The following CNTN3 variants were observed in gnomAD, a reference collection of about 807,000 sequenced individuals.
The protein encoded by CNTN3 is contactin 3.
A neutral mutation model predicts 119.1 loss-of-function variants in CNTN3; 60 were observed. That is an observed-to-expected ratio of 0.50 (90% confidence interval 0.41 to 0.62). CNTN3 has a LOEUF of 0.62. Among genes scored for constraint, CNTN3 ranks in the 20% least tolerant of loss-of-function variants. The pLI is 0.00. For synonymous variants in CNTN3, 450 were observed against 438.7 expected, an observed-to-expected ratio of 1.03 and a Z score of -0.32; for missense variants, 1,101 against 1,242.4, an observed-to-expected ratio of 0.89 and a Z score of 1.71.
Position 74,369,294 on chromosome 3 carries a change from C to A in CNTN3, c.841G>T (p.Val281Leu). The A allele has an allele frequency of 6.2e-7, 1 of 1,611,016 alleles. No individual in the cohort carries two copies. The part of the protein sequence containing the change: ...SKIKLRKFSG[V>L]LEIPNFQQED... ...TGTTGGAAGTTGGGGATTTCAAGCA[C>A]ACCACTGAACTTCCTTAATTTAATT... is the stretch of plus-strand genomic sequence containing the variant. Residue 281 changes from valine (V) to leucine (L), a missense_variant, in exon 8 of 23, where the codon GTG (valine) becomes TTG (leucine). Physicochemically the swap from Val to Leu is conservative, Grantham distance 32 (BLOSUM62 1). Coordinates refer to ENST00000263665, the MANE Select transcript of CNTN3 (RefSeq NM_020872.3).
intron 5 of CNTN3, among the ~76,000 whole-genome samples, chr3:74,393,579 T>C (rs756775399): frequency 7.2e-5 from 11 of 152,196 alleles, no homozygotes; most frequent in Non-Finnish European, 1.3e-4. Context: ...CTTGAAAAGA[T>C]AAGGGAGTTC....
intron 5 of CNTN3, among the ~76,000 whole-genome samples, chr3:74,380,814 A>T (rs1042706470): frequency 6.6e-6 from 1 of 152,228 alleles, no homozygotes; most frequent in African/African-American, 2.4e-5. Flanking sequence ...AACACTGTCC[A>T]TTCCACATTA....
chr3:74,320,001 T>C (rs1702945160), intron 13 of CNTN3, among the ~76,000 whole-genome samples: 1 of 152,100 alleles, frequency 6.6e-6, no homozygotes, highest in Admixed American at 6.6e-5. Context: ...TGGCGATCAT[T>C]AAAAAGTCAG....
chr3:74,599,102 C>A (rs1177722144), intron 1 of CNTN3, among the ~76,000 whole-genome samples: 1 of 151,992 alleles, frequency 6.6e-6, no homozygotes, highest in Admixed American at 6.6e-5. Context: ...TGCTAAAAAT[C>A]TGAACTACAT....
chr3:74,311,247 C>T (rs1702678454), intron 13 of CNTN3, among the ~76,000 whole-genome samples: 2 of 152,066 alleles, frequency 1.3e-5, no homozygotes, highest in Non-Finnish European at 2.9e-5. Context: ...CCTATGTAGT[C>T]TGGCAATTCT....
At chr3:74,274,429 G>A (rs1701841268) in intron 20 of CNTN3, among the ~76,000 whole-genome samples, 1 of 152,126 alleles carries the variant, frequency 6.6e-6, no homozygotes, top group Admixed American at 6.5e-5. Flanking sequence ...CACTGGAACA[G>A]GTGCTGGTAT....
intron 1 of CNTN3, among the ~76,000 whole-genome samples, chr3:74,592,035 A>G (rs1704711408): frequency 6.6e-6 from 1 of 151,984 alleles, no homozygotes; most frequent in African/African-American, 2.4e-5. Flanking sequence ...AACCAGCCAG[A>G]GCAGCAGCTG....
At chr3:74,424,761 T>C in intron 5 of CNTN3, 84 bp downstream of exon 5, 1 of 1,105,120 alleles carries the variant, frequency 9.0e-7, no homozygotes, top group South Asian at 1.3e-5. Context: ...CAGAGTAATT[T>C]ACAGATGCAA....
At chr3:74,603,728 A>G (rs1422551343) in intron 1 of CNTN3, among the ~76,000 whole-genome samples, 1 of 152,146 alleles carries the variant, frequency 6.6e-6, no homozygotes, top group African/African-American at 2.4e-5. Context: ...ATATTATTAA[A>G]ATGTCCATAT....
At chr3:74,408,347 C>T (rs962981057) in intron 5 of CNTN3, among the ~76,000 whole-genome samples, 2 of 152,068 alleles carry the variant, frequency 1.3e-5, no homozygotes, top group African/African-American at 4.8e-5. Flanking sequence ...AAAAGATTTG[C>T]ATTGAGTAAG....
intron 2 of CNTN3, among the ~76,000 whole-genome samples, chr3:74,512,692 C>CAAAAAAAAAAATAAAAAAA (rs1703388273): frequency 1.2e-5 from 1 of 85,260 alleles, no homozygotes; most frequent in African/African-American, 4.7e-5. Context: ...CATAATCAAG[C>CAAAAAAAAAAATAAAAAAA]AAAAAAAAAA....
In CNTN3 at chr3:74,511,918, C is replaced by A. The variant is rs148093136; in HGVS notation, c.55+9140G>T. 1.2e-3 allele frequency among the ~76,000 whole-genome samples: 189 copies of A among 152,168 alleles called. No homozygotes were observed. The Middle Eastern group carries it at 0.045, about 36-fold the overall frequency. ...TGCTGACCCCAGCTTTAGGAAAGAT[C>A]ATGTCTACTAGGAGGAACAGTGACT... On this transcript the variant is annotated intron_variant, in intron 2 of 22. Transcript: ENST00000263665.
intron 3 of CNTN3, 64 bp downstream of exon 3, chr3:74,499,595 T>A: frequency 2.0e-6 from 3 of 1,483,634 alleles, no homozygotes; most frequent in Non-Finnish European, 2.7e-6. Context: ...CAAAAAAAAA[T>A]TCACAATCAC....
intron 1 of CNTN3, among the ~76,000 whole-genome samples, chr3:74,547,904 A>T (rs1168329591): frequency 3.3e-5 from 5 of 152,176 alleles, no homozygotes; most frequent in Admixed American, 2.0e-4. Context: ...CCTCCTAAAC[A>T]TCCTTCTAAG....
chr3:74,599,778 A>G (rs185983838), intron 1 of CNTN3, among the ~76,000 whole-genome samples: 134 of 152,214 alleles, frequency 8.8e-4, no homozygotes, highest in African/African-American at 2.8e-3. Flanking sequence ...TCCAACATCA[A>G]TGGGGCAGAG....
At chr3:74,394,803 A>C (rs1705003906) in intron 5 of CNTN3, among the ~76,000 whole-genome samples, 1 of 104,110 alleles carries the variant, frequency 9.6e-6, no homozygotes, top group Non-Finnish European at 2.0e-5. Flanking sequence ...ATTATTAATG[A>C]CTTTTAATCT....
intron 2 of CNTN3, among the ~76,000 whole-genome samples, chr3:74,512,917 G>C (rs1474033131): frequency 6.9e-6 from 1 of 144,444 alleles, no homozygotes; most frequent in African/African-American, 2.5e-5. Flanking sequence ...TCGCTTGCAA[G>C]TGTGCAGACA....
chr3:74,521,971 A>G (rs1703549441), intron 1 of CNTN3, among the ~76,000 whole-genome samples: 2 of 151,862 alleles, frequency 1.3e-5, no homozygotes. Flanking sequence ...ATGATTTTAA[A>G]GTTTGCTACT....
chr3:74,431,453 C>T (rs1575718676), intron 4 of CNTN3, among the ~76,000 whole-genome samples: 1 of 152,260 alleles, frequency 6.6e-6, no homozygotes, highest in South Asian at 2.1e-4. Flanking sequence ...GAATGACTAC[C>T]ATTTCCCAAC....
Sources: allele counts gnomAD v4.1 joint callset (sites outside exome capture counted in the v4.1 genomes callset), GRCh38; gene constraint gnomAD v4.1.1; transcripts MANE v1.5; gene names NCBI Gene and HGNC (gene_info 2026-07-23, HGNC 2026-07-21).